The following GPN3 variants were observed in gnomAD, a reference collection of about 807,000 sequenced individuals.
GPN3 encodes the protein GPN-loop GTPase 3.
Under a neutral mutation model 38.7 loss-of-function variants are expected in GPN3, and 31 were observed. That is an observed-to-expected ratio of 0.80 (90% confidence interval 0.60 to 1.08). The LOEUF (loss-of-function observed/expected upper bound fraction) is 1.08, where lower values mean the gene tolerates loss of function less well. Ranked by LOEUF, GPN3 falls within the 50% of genes least tolerant of loss-of-function variation. The pLI is 0.00. For synonymous variants in GPN3, 116 were observed against 120.2 expected (o/e 0.96, Z 0.23); for missense variants, 301 against 354.4 (o/e 0.85, Z 1.21).
Position 110,457,448 on chromosome 12 carries a change from T to TCA in GPN3, c.450+60_450+61dup, listed in dbSNP as rs1438528990. 1,856 of 1,292,878 alleles carry TCA rather than the reference T, an allele frequency of 1.4e-3. 9 individuals carry two copies. Among genetic ancestry groups the TCA allele is most frequent in the African/African-American group, 2.3e-3 (115 of 50,634 alleles). The allele number at this position is 1,292,878 out of a possible 1,614,324, so 80.1% of individuals were successfully genotyped here. On this transcript the variant is annotated intron_variant, in intron 4 of 7. Coordinates refer to ENST00000228827, the MANE Select transcript of GPN3 (RefSeq NM_016301.4). The stretch of plus-strand genomic sequence containing the variant: ...GCCTAGGCAACAGAGTAAGACTCTG[T>TCA]CACACACACAAAAAAAAAAAAAAAA...
chr12:110,467,822 T>C (rs1359318157), intron 1 of GPN3, among the ~76,000 whole-genome samples: 1 of 152,222 alleles, frequency 6.6e-6, no homozygotes, highest in African/African-American at 2.4e-5. Flanking sequence ...ACTGGATTTA[T>C]ATTTTTTTGC....
chr12:110,459,636 A>G, intron 3 of GPN3, 59 bp downstream of exon 3: 6 of 1,138,086 alleles, frequency 5.3e-6, no homozygotes. Context: ...CCTTTCTCCT[A>G]CTAAGGATGG....
rs80133799 is a variant in GPN3 at position 110,467,629 on chromosome 12, G to C, written c.48+527C>G. ...TTGAGAACTGAAAGAGAAATGAAAA[G>C]GGAACAATTTCCCTAACACATTATC... On this transcript the variant is annotated intron_variant, in intron 1 of 7. Coordinates refer to ENST00000228827, the MANE Select transcript of GPN3 (RefSeq NM_016301.4). 6.7e-3 allele frequency among the ~76,000 whole-genome samples: 1,018 copies of C among 152,224 alleles called. 67 individuals carry two copies. In the East Asian group the frequency reaches 0.15, roughly 22 times the overall value.
intron 4 of GPN3, among the ~76,000 whole-genome samples, chr12:110,456,762 A>G (rs1418004368): frequency 6.7e-6 from 1 of 149,116 alleles, no homozygotes; most frequent in Admixed American, 6.8e-5. Flanking sequence ...GATCTTGGCG[A>G]TCTTGGCTCA....
At chr12:110,464,318 A>G (rs1357903513) in intron 2 of GPN3, among the ~76,000 whole-genome samples, 1 of 152,148 alleles carries the variant, frequency 6.6e-6, no homozygotes, top group Admixed American at 6.6e-5. Context: ...CAGTCATCAC[A>G]TTCTGTAACA....
intron 6 of GPN3, among the ~76,000 whole-genome samples, chr12:110,454,165 C>A (rs2062533727): frequency 6.6e-6 from 1 of 152,180 alleles, no homozygotes; most frequent in Non-Finnish European, 1.5e-5. Context: ...CAGTCCTGAA[C>A]TCTCCAAATG....
At chr12:110,460,246 G>A (rs766280733) in intron 2 of GPN3, among the ~76,000 whole-genome samples, 4 of 152,166 alleles carry the variant, frequency 2.6e-5, no homozygotes, top group Non-Finnish European at 5.9e-5. Context: ...TATGTGCACA[G>A]GCTATGAAAG....
At chr12:110,468,518 G>A (rs2062654653), upstream of GPN3, 3 of 1,537,280 alleles carry the variant, frequency 2.0e-6, no homozygotes, top group Non-Finnish European at 2.6e-6. Context: ...CTTGCGCCAC[G>A]TGCTTCGGTC....
chr12:110,459,428 G>C (rs1186421119), intron 3 of GPN3, among the ~76,000 whole-genome samples: 1 of 152,014 alleles, frequency 6.6e-6, no homozygotes, highest in Admixed American at 6.6e-5. Context: ...TTTTAGTAGA[G>C]ACAGGGTTTC....
rs1592968185 is a variant in GPN3 at position 110,465,332 on chromosome 12, T to G, written c.49-118A>C. The G allele has an allele frequency of 1.7e-5, 12 of 697,898 alleles. No homozygotes were observed. The East Asian group carries it at 2.9e-4, about 17-fold the overall frequency. The allele number at this position is 697,898 out of a possible 1,614,324, so 43.2% of individuals were successfully genotyped here. On this transcript the variant is annotated intron_variant, in intron 1 of 7. Coordinates refer to ENST00000228827, the MANE Select transcript of GPN3 (RefSeq NM_016301.4). ...TGCCTTCATCAACCAAGAGGCTGACTGACAACAAGGGAAAAAGATACCTGA... is the reference window on the plus strand; with the variant it reads ...TGCCTTCATCAACCAAGAGGCTGACGGACAACAAGGGAAAAAGATACCTGA...
At chr12:110,459,982 T>C (rs2062575899) in intron 2 of GPN3, 120 bp from the exon 3 acceptor site, 4 of 746,114 alleles carry the variant, frequency 5.4e-6, no homozygotes, top group Admixed American at 2.6e-5. Context: ...AAATTATTTA[T>C]GTACATGGCT....
chr12:110,465,846 G>A (rs2062623618), intron 1 of GPN3, among the ~76,000 whole-genome samples: 1 of 152,152 alleles, frequency 6.6e-6, no homozygotes, highest in African/African-American at 2.4e-5. Context: ...GGAGGCTGAG[G>A]TCGACGGATC....
upstream of GPN3, chr12:110,468,690 A>G: frequency 3.3e-6 from 5 of 1,525,896 alleles, no homozygotes; most frequent in Non-Finnish European, 4.4e-6. Flanking sequence ...AAACGTGCAA[A>G]CGCTCAGCGA....
At chr12:110,454,502 C>G (rs1179349792) in intron 6 of GPN3, among the ~76,000 whole-genome samples, 3 of 150,820 alleles carry the variant, frequency 2.0e-5, no homozygotes, top group African/African-American at 7.3e-5. Flanking sequence ...ACAGGTGTGC[C>G]CTACCATGCC....
At chr12:110,468,623 G>A, upstream of GPN3, 1 of 1,537,260 alleles carries the variant, frequency 6.5e-7, no homozygotes, top group Non-Finnish European at 8.7e-7. Flanking sequence ...GGCACCTCTT[G>A]TTTTGGGGAG....
intron 2 of GPN3, chr12:110,464,846 G>A (rs2062615871): frequency 2.5e-6 from 1 of 407,592 alleles, no homozygotes; most frequent in Admixed American, 3.6e-5. Context: ...ACCCGCCTCG[G>A]CCTCCCAAAG....
At chr12:110,459,604 T>A in intron 3 of GPN3, 91 bp downstream of exon 3, 2 of 880,472 alleles carry the variant, frequency 2.3e-6, no homozygotes, top group Admixed American at 3.8e-5. Context: ...CAGTATAGTT[T>A]AGAGCTACAA....
intron 6 of GPN3, among the ~76,000 whole-genome samples, chr12:110,455,383 C>A (rs2062542463): frequency 6.6e-6 from 1 of 152,110 alleles, no homozygotes; most frequent in Non-Finnish European, 1.5e-5. Flanking sequence ...CTGCCTTGGC[C>A]TCCCAAAGTG....
At chr12:110,467,242 C>T (rs1565846702) in intron 1 of GPN3, among the ~76,000 whole-genome samples, 1 of 152,072 alleles carries the variant, frequency 6.6e-6, no homozygotes, top group African/African-American at 2.4e-5. Flanking sequence ...CGTCCACCTC[C>T]ATCTCCCAAA....
Sources: gnomAD v4.1 joint callset for allele counts (sites outside exome capture counted in the v4.1 genomes callset) on GRCh38, gnomAD v4.1.1 for gene constraint, MANE v1.5 for transcripts, NCBI Gene and HGNC (gene_info 2026-07-23, HGNC 2026-07-21) for gene names.